Variants in HDAC9 observed in about 807,000 individuals in gnomAD.
The protein encoded by HDAC9 is histone deacetylase 9.
HDAC9 carries 41 observed loss-of-function variants against 139.4 expected under a neutral mutation model. The ratio of observed to expected loss-of-function variants is 0.29; its 90% CI spans 0.23 to 0.38. HDAC9 has a LOEUF of 0.38. HDAC9 is among the 10% of genes least tolerant of loss of function. HDAC9 has a pLI of 1.00. For synonymous variants in HDAC9, 517 were observed against 476.2 expected (o/e 1.09, Z -1.12); for missense variants, 1,147 against 1,297.0 (o/e 0.88, Z 1.78).
intron 2 of HDAC9, among the ~76,000 whole-genome samples, chr7:18,163,561 A>T (rs755546164): frequency 2.0e-5 from 3 of 151,988 alleles, no homozygotes; most frequent in Non-Finnish European, 4.4e-5. Flanking sequence ...CTGCTTGGGG[A>T]CCACACTTTG....
chr7:18,563,411 A>C (rs534488414), intron 2 of HDAC9, among the ~76,000 whole-genome samples: 15 of 152,174 alleles, frequency 9.9e-5, no homozygotes, highest in African/African-American at 3.6e-4. Flanking sequence ...CCAGTTATTC[A>C]ATGGTTATGT....
intron 22 of HDAC9, among the ~76,000 whole-genome samples, chr7:18,909,972 A>T (rs2129288718): frequency 6.6e-6 from 1 of 151,762 alleles, no homozygotes; most frequent in East Asian, 1.9e-4. Context: ...GTTTCATACA[A>T]ATTTTAGGAT....
chr7:18,867,576 A>C (rs1012187981), intron 21 of HDAC9, among the ~76,000 whole-genome samples: 16 of 152,342 alleles, frequency 1.1e-4, no homozygotes, highest in Middle Eastern at 3.4e-3. Context: ...CTTTGCTGTC[A>C]ATATCATTTT....
chr7:18,961,265 C>T (rs1783510796), intron 24 of HDAC9, among the ~76,000 whole-genome samples: 1 of 152,166 alleles, frequency 6.6e-6, no homozygotes, highest in African/African-American at 2.4e-5. Context: ...CGAAAGATCA[C>T]TGTGCTTGCT....
At chr7:18,487,134 T>G (rs1796031073) in intron 1 of HDAC9, among the ~76,000 whole-genome samples, 1 of 151,988 alleles carries the variant, frequency 6.6e-6, no homozygotes, top group African/African-American at 2.4e-5. Context: ...GTAGGCTGCT[T>G]ATAAAAGAGA....
At chr7:18,731,910 G>C (rs1303764044) in intron 13 of HDAC9, among the ~76,000 whole-genome samples, 2 of 152,132 alleles carry the variant, frequency 1.3e-5, no homozygotes, top group East Asian at 3.9e-4. Context: ...ACAGGCATGA[G>C]CCACCAGGCC....
intron 2 of HDAC9, among the ~76,000 whole-genome samples, chr7:18,539,539 T>A (rs1321900370): frequency 2.0e-5 from 3 of 152,246 alleles, no homozygotes; most frequent in Non-Finnish European, 4.4e-5. Flanking sequence ...TCACGTTAAT[T>A]TCTTTGTTTT....
At chr7:18,662,783 A>C (rs186261436) in intron 11 of HDAC9, among the ~76,000 whole-genome samples, 1 of 152,236 alleles carries the variant, frequency 6.6e-6, no homozygotes, top group African/African-American at 2.4e-5. Context: ...GTGAAAGTAA[A>C]TTAACTAGAA....
chr7:18,745,702 A>G (rs990965409), intron 13 of HDAC9, among the ~76,000 whole-genome samples: 25 of 150,312 alleles, frequency 1.7e-4, no homozygotes, highest in South Asian at 1.5e-3. Flanking sequence ...GCCCGCCACC[A>G]CGCCTGGCTA....
In HDAC9 at chr7:18,495,811, G is replaced by A; in HGVS notation, c.-254G>A. ...GCTGGAGCCACTTGCAGGACTGAGG[G>A]TTTTTGCAACAAAACCCTAGCAGCC... is the stretch of plus-strand genomic sequence containing the variant. On this transcript the variant is annotated 5_prime_UTR_variant, in exon 1 of 26. Transcript: ENST00000686413. 9.9e-7 allele frequency: 1 copy of A among 1,013,704 alleles called. No homozygotes were observed. The highest frequency in any genetic ancestry group is 1.2e-6 in the Non-Finnish European group (1 of 848,966). 62.8% of individuals were successfully genotyped at this position (1,013,704 alleles called of 1,614,324 possible).
intron 1 of HDAC9, among the ~76,000 whole-genome samples, chr7:18,477,546 C>T (rs1795210986): frequency 6.6e-6 from 1 of 152,124 alleles, no homozygotes; most frequent in Non-Finnish European, 1.5e-5. Context: ...GAAAATACTT[C>T]TTTACTAGTA....
At chr7:18,412,846 A>G (rs1469364) in intron 1 of HDAC9, among the ~76,000 whole-genome samples, 150,782 of 152,312 alleles carry the variant, frequency 0.99, 74,650 homozygotes, top group East Asian at 1. Context: ...ACTTGAAAAA[A>G]TTAAAACAAT....
chr7:18,111,475 G>C (rs921828363), intron 1 of HDAC9, among the ~76,000 whole-genome samples: 6 of 152,122 alleles, frequency 3.9e-5, no homozygotes, highest in Non-Finnish European at 7.4e-5. Context: ...TATCTGTGGT[G>C]GATTGGTTCC....
chr7:18,640,567 C>CCA (rs1183658090), intron 8 of HDAC9, among the ~76,000 whole-genome samples: 1 of 151,668 alleles, frequency 6.6e-6, no homozygotes, highest in Non-Finnish European at 1.5e-5. Context: ...TCTCCTTTCC[C>CCA]CACTTTCATT....
intron 17 of HDAC9, among the ~76,000 whole-genome samples, chr7:18,817,407 A>C (rs2157900): frequency 0.059 from 9,002 of 151,886 alleles, 861 homozygotes; most frequent in African/African-American, 0.2. Context: ...CAAAAACAAT[A>C]AAAAAAACCC....
In HDAC9 at chr7:18,727,874, T is replaced by G; in HGVS notation, c.1909+117T>G. The G allele has an allele frequency of 9.1e-6, 7 of 769,176 alleles. No individual in the cohort carries two copies. The South Asian group carries it at 2.1e-4, about 23-fold the overall frequency. 47.6% of individuals were successfully genotyped at this position (769,176 alleles called of 1,614,324 possible). A position where few individuals can be genotyped will look rare whatever the true frequency, so the allele number is the denominator to read the frequency against. ...AGCAGAACACTCCATTTTAACCCAG[T>G]GCAACCCAAATTTTACGAGGTTATA... On this transcript the variant is annotated intron_variant, in intron 13 of 25. Transcript: ENST00000686413.
intron 24 of HDAC9, among the ~76,000 whole-genome samples, chr7:18,971,617 T>C (rs1412104568): frequency 1.3e-5 from 2 of 152,248 alleles, no homozygotes; most frequent in African/African-American, 2.4e-5. Flanking sequence ...CTGTACCCAC[T>C]TCCATTTCAA....
At chr7:18,986,732 C>T (rs1785390085) in intron 25 of HDAC9, among the ~76,000 whole-genome samples, 1 of 152,118 alleles carries the variant, frequency 6.6e-6, no homozygotes, top group Admixed American at 6.5e-5. Flanking sequence ...TTGTTTGTAT[C>T]CTCTTTTATT....
In HDAC9 at chr7:18,835,930, A is replaced by G; in HGVS notation, c.2617A>G (p.Ile873Val). The G allele has an allele frequency of 6.4e-7, 1 of 1,562,760 alleles. No individual in the cohort carries two copies. The highest frequency in any genetic ancestry group is 8.7e-7 in the Non-Finnish European group (1 of 1,152,074). Residue 873 changes from isoleucine (I) to valine (V), a missense_variant, in exon 21 of 26, where the codon ATA becomes GTA. By Grantham distance (29) the Ile-to-Val change is conservative. This residue lies in a region of HDAC9 where 407 missense variants were observed against 521.5 expected (regional missense o/e 0.78). Transcript: ENST00000686413. The part of the protein sequence containing the change: ...VGTGLGEGYN[I>V]NIAWTGGLDP... ...AACAGGCCTTGGAGAAGGGTACAATATAAATATTGCCTGGACAGGTGGCCT... is the reference window on the plus strand; with the variant it reads ...AACAGGCCTTGGAGAAGGGTACAATGTAAATATTGCCTGGACAGGTGGCCT...
Sources: allele counts gnomAD v4.1 joint callset (sites outside exome capture counted in the v4.1 genomes callset), GRCh38; gene constraint gnomAD v4.1.1; regional missense constraint gnomAD v4.1.1; transcripts MANE v1.5; gene names NCBI Gene and HGNC (gene_info 2026-07-23, HGNC 2026-07-21).